NAT1: variants seen among roughly 807,000 people sequenced by gnomAD.
NAT1 encodes the protein arylamine N-acetyltransferase 1.
For missense variants in NAT1, 400 were observed against 339.2 expected, an observed-to-expected ratio of 1.18 and a Z score of -1.41; for synonymous variants, 144 against 122.6, an observed-to-expected ratio of 1.17 and a Z score of -1.16.
intron 1 of NAT1, among the ~76,000 whole-genome samples, chr8:18,210,788 T>G (rs1389436813): frequency 6.6e-6 from 1 of 152,170 alleles, no homozygotes; most frequent in African/African-American, 2.4e-5. Context: ...AGTTTTTGTT[T>G]TTTTGAGGCA....
Position 18,222,803 on chromosome 8 carries a change from A to C in NAT1, c.756A>C (p.Leu252=), listed in dbSNP as rs112846752. Residue 252 remains leucine, a synonymous_variant, in exon 3 of 3, where the codon CTA becomes CTC. Coordinates refer to ENST00000307719, the MANE Select transcript of NAT1 (RefSeq NM_000662.8). ...RRFNYKDNTD[L]IEFKTLSEEE... The stretch of plus-strand genomic sequence containing the variant: ...TCAATTATAAGGACAATACAGATCT[A>C]ATAGAGTTCAAGACTCTGAGTGAGG... 1 of 1,612,586 alleles carries C rather than the reference A, an allele frequency of 6.2e-7. No individual in the cohort carries two copies. Among genetic ancestry groups the C allele is most frequent in the South Asian group, 1.1e-5 (1 of 90,544 alleles).
intron 2 of NAT1, among the ~76,000 whole-genome samples, chr8:18,188,637 T>A (rs567203208): frequency 1.3e-5 from 2 of 152,214 alleles, no homozygotes; most frequent in East Asian, 1.9e-4. Flanking sequence ...GTGGCTTTTT[T>A]AGTTTTTTAG....
At chr8:18,215,216 G>C (rs1250252731) in intron 1 of NAT1, among the ~76,000 whole-genome samples, 1 of 152,138 alleles carries the variant, frequency 6.6e-6, no homozygotes, top group Admixed American at 6.5e-5. Flanking sequence ...GTCATTGATG[G>C]GTATTCAGGT....
At chr8:18,176,608 G>GTTTTTTT (rs369543146) in intron 2 of NAT1, among the ~76,000 whole-genome samples, 1 of 150,042 alleles carries the variant, frequency 6.7e-6, no homozygotes. Flanking sequence ...GTTTTGTTTT[G>GTTTTTTT]TTTTTACAAT....
intron 2 of NAT1, among the ~76,000 whole-genome samples, chr8:18,186,537 A>G (rs1802743587): frequency 6.6e-6 from 1 of 152,196 alleles, no homozygotes; most frequent in South Asian, 2.1e-4. Context: ...TAATTTGGCA[A>G]TATTTATTTT....
chr8:18,216,924 G>GC (rs1372282266), intron 1 of NAT1: 3 of 1,551,126 alleles, frequency 1.9e-6, no homozygotes, highest in Admixed American at 2.0e-5. Flanking sequence ...CAAGGAGGCA[G>GC]CCCTCGAGCC....
intron 1 of NAT1, among the ~76,000 whole-genome samples, chr8:18,210,971 A>T (rs1804042507): frequency 6.6e-6 from 1 of 151,960 alleles, no homozygotes; most frequent in Admixed American, 6.6e-5. Context: ...GATGGGGTTA[A>T]TTTTTGTATT....
At chr8:18,180,752 T>C (rs995646605) in intron 2 of NAT1, among the ~76,000 whole-genome samples, 9 of 152,128 alleles carry the variant, frequency 5.9e-5, no homozygotes, top group Admixed American at 4.6e-4. Flanking sequence ...TATTAAAACA[T>C]CAAGTTATAC....
Position 18,222,992 on chromosome 8 carries a change from T to C in NAT1, c.*72T>C. The C allele has an allele frequency of 7.7e-7, 1 of 1,304,412 alleles. No individual in the cohort carries two copies. The highest frequency in any genetic ancestry group is 2.5e-5 in the East Asian group (1 of 40,354). The allele number at this position is 1,304,412 out of a possible 1,614,324, so 80.8% of individuals were successfully genotyped here. On this transcript the variant is annotated 3_prime_UTR_variant, in exon 3 of 3. Transcript: ENST00000307719. ...TTATCAACTGACGACCTATCATGTA[T>C]CTTCTGTACCCTTACCTTATTTTGA...
chr8:18,184,310 G>C (rs771485648), intron 2 of NAT1, among the ~76,000 whole-genome samples: 3 of 152,154 alleles, frequency 2.0e-5, no homozygotes, highest in South Asian at 2.1e-4. Context: ...AGAATGCATG[G>C]ATCAGAGTCC....
intron 2 of NAT1, 84 bp from the exon 3 acceptor site, chr8:18,221,958 G>A (rs1354182096): frequency 1.5e-6 from 2 of 1,350,356 alleles, no homozygotes; most frequent in Admixed American, 4.5e-5. Flanking sequence ...ATTTTTACAT[G>A]TTTAAAATAT....
At chr8:18,182,338 C>G (rs910322318) in intron 2 of NAT1, among the ~76,000 whole-genome samples, 1 of 152,000 alleles carries the variant, frequency 6.6e-6, no homozygotes, top group East Asian at 1.9e-4. Context: ...ATAATTAATG[C>G]CTTTTATGTT....
chr8:18,189,441 C>A (rs1802890679), intron 2 of NAT1, among the ~76,000 whole-genome samples: 1 of 152,066 alleles, frequency 6.6e-6, no homozygotes, highest in Non-Finnish European at 1.5e-5. Context: ...TATCAGATAA[C>A]AGTGTAGTTT....
At chr8:18,182,933 C>T (rs1802576174) in intron 2 of NAT1, among the ~76,000 whole-genome samples, 1 of 152,098 alleles carries the variant, frequency 6.6e-6, no homozygotes, top group Non-Finnish European at 1.5e-5. Context: ...AGATCTTATG[C>T]ACCTATTATT....
At chr8:18,177,345 A>C (rs532767336) in intron 2 of NAT1, among the ~76,000 whole-genome samples, 1 of 152,258 alleles carries the variant, frequency 6.6e-6, no homozygotes, top group East Asian at 1.9e-4. Context: ...ATATTAACCC[A>C]CAAGTTTTAT....
At chr8:18,192,058 C>T (rs947972950) in intron 2 of NAT1, among the ~76,000 whole-genome samples, 2 of 151,160 alleles carry the variant, frequency 1.3e-5, no homozygotes, top group African/African-American at 4.9e-5. Flanking sequence ...AGGCAACCTA[C>T]AAAATGGGAG....
intron 2 of NAT1, among the ~76,000 whole-genome samples, chr8:18,183,114 T>C (rs1047755255): frequency 6.6e-6 from 1 of 152,140 alleles, no homozygotes; most frequent in African/African-American, 2.4e-5. Flanking sequence ...CTAAGGTCAA[T>C]GCACCAACCA....
chr8:18,215,612 A>G (rs1041553545), intron 1 of NAT1, among the ~76,000 whole-genome samples: 12 of 151,434 alleles, frequency 7.9e-5, no homozygotes, highest in African/African-American at 2.7e-4. Context: ...AGCCCCAGAT[A>G]CCTGTACAAT....
chr8:18,187,867 C>A (rs1440751651), intron 2 of NAT1, among the ~76,000 whole-genome samples: 2 of 150,482 alleles, frequency 1.3e-5, no homozygotes, highest in African/African-American at 4.9e-5. Flanking sequence ...TTTAACAGAT[C>A]CTGAAAGAAA....
Sources: allele counts gnomAD v4.1 joint callset (sites outside exome capture counted in the v4.1 genomes callset), GRCh38; gene constraint gnomAD v4.1.1; transcripts MANE v1.5; gene names NCBI Gene and HGNC (gene_info 2026-07-23, HGNC 2026-07-21).